Variants in ZNF385D observed in about 807,000 individuals in gnomAD.
ZNF385D encodes the protein zinc finger protein 385D.
In ZNF385D, 15 loss-of-function variants were observed where a neutral mutation model predicts 35.8. The ratio of observed to expected loss-of-function variants is 0.42; its 90% CI spans 0.28 to 0.64. The LOEUF is 0.64. Ranked by LOEUF, ZNF385D falls within the 30% of genes least tolerant of loss-of-function variation. ZNF385D has a pLI of 0.23. For missense variants in ZNF385D, 474 were observed against 494.6 expected (o/e 0.96, Z 0.39); for synonymous variants, 212 against 186.8 (o/e 1.13, Z -1.10).
At chr3:22,237,711 T>G (rs577133062) in intron 2 of ZNF385D, among the ~76,000 whole-genome samples, 1 of 152,264 alleles carries the variant, frequency 6.6e-6, no homozygotes, top group African/African-American at 2.4e-5. Flanking sequence ...TGGCACGATC[T>G]CAGCTCACTA....
chr3:21,674,084 C>T (rs2066653076), intron 1 of ZNF385D, among the ~76,000 whole-genome samples: 1 of 152,138 alleles, frequency 6.6e-6, no homozygotes, highest in Non-Finnish European at 1.5e-5. Context: ...CCTGCACGAA[C>T]TTCTCTGTGC....
At position 21,528,786 on chromosome 3, in the gene ZNF385D, G is replaced by A. The variant is rs1437022062; in HGVS notation, c.277-17763C>T. Among the ~76,000 whole-genome samples, 4 of 152,080 alleles carry A rather than the reference G, an allele frequency of 2.6e-5. No individual in the cohort carries two copies. In the South Asian group the frequency reaches 8.3e-4, roughly 32 times the overall value. ...CTACTTACTATTATGCTCTAATCCTGGAGAAACAGAGTACTCAGCCAAAGT... is the reference window on the plus strand; with the variant it reads ...CTACTTACTATTATGCTCTAATCCTAGAGAAACAGAGTACTCAGCCAAAGT... On this transcript the variant is annotated intron_variant, in intron 3 of 7. Coordinates refer to ENST00000281523, the MANE Select transcript of ZNF385D (RefSeq NM_024697.3).
upstream of ZNF385D, among the ~76,000 whole-genome samples, chr3:21,755,206 T>C (rs1195895690): frequency 6.6e-6 from 1 of 152,214 alleles, no homozygotes; most frequent in Non-Finnish European, 1.5e-5. Flanking sequence ...TTTATCTATA[T>C]TGTAGCAATA....
chr3:21,811,124 A>T (rs766075994), intron 3 of ZNF385D, among the ~76,000 whole-genome samples: 1 of 152,114 alleles, frequency 6.6e-6, no homozygotes, highest in Non-Finnish European at 1.5e-5. Context: ...AATAAAAATA[A>T]TCTCAAATCT....
At chr3:21,936,587 AG>A (rs1305383816) in intron 3 of ZNF385D, among the ~76,000 whole-genome samples, 1 of 152,046 alleles carries the variant, frequency 6.6e-6, no homozygotes, top group Non-Finnish European at 1.5e-5. Context: ...CATTTATTAT[AG>A]GTTTGATTGT....
chr3:22,273,424 T>G (rs888984503), intron 2 of ZNF385D, among the ~76,000 whole-genome samples: 26 of 151,968 alleles, frequency 1.7e-4, no homozygotes, highest in African/African-American at 5.6e-4. Context: ...ACTGGAACTC[T>G]TAACAATGTC....
chr3:22,143,966 T>A (rs1576395446), intron 3 of ZNF385D, among the ~76,000 whole-genome samples: 3 of 152,198 alleles, frequency 2.0e-5, no homozygotes, highest in Admixed American at 1.3e-4. Flanking sequence ...TAATAGGGGT[T>A]CAAAGTAAGT....
intron 1 of ZNF385D, among the ~76,000 whole-genome samples, chr3:21,670,839 T>G (rs2125282151): frequency 6.6e-6 from 1 of 151,824 alleles, no homozygotes; most frequent in South Asian, 2.1e-4. Flanking sequence ...ACTAGCCCTT[T>G]CAACCAAACA....
At chr3:22,244,036 A>C (rs921055459) in intron 2 of ZNF385D, among the ~76,000 whole-genome samples, 2 of 150,898 alleles carry the variant, frequency 1.3e-5, no homozygotes, top group African/African-American at 2.5e-5. Context: ...TTGGCTTAGC[A>C]CTTCTCTCAC....
intron 3 of ZNF385D, among the ~76,000 whole-genome samples, chr3:22,120,904 C>T (rs1482957775): frequency 6.6e-6 from 1 of 152,046 alleles, no homozygotes; most frequent in Non-Finnish European, 1.5e-5. Context: ...CAGAAGAGAA[C>T]TTTGAGACCA....
intron 3 of ZNF385D, among the ~76,000 whole-genome samples, chr3:21,935,726 G>A (rs1359361125): frequency 1.0e-5 from 1 of 99,366 alleles, no homozygotes; most frequent in Non-Finnish European, 2.0e-5. Context: ...ATCCCAAGGA[G>A]AGCAAAGGCA....
At chr3:21,928,813 A>G (rs1021469532) in intron 3 of ZNF385D, among the ~76,000 whole-genome samples, 10 of 152,340 alleles carry the variant, frequency 6.6e-5, no homozygotes, top group Admixed American at 5.2e-4. Flanking sequence ...GAATAAATCT[A>G]TAACAACTAA....
intron 3 of ZNF385D, among the ~76,000 whole-genome samples, chr3:21,994,387 T>C (rs1242952892): frequency 1.3e-5 from 2 of 152,208 alleles, no homozygotes; most frequent in East Asian, 3.8e-4. Context: ...AATTTATGGG[T>C]TTTAAAAATC....
rs56827844 is a variant in ZNF385D at position 21,428,933 on chromosome 3, C to CTTTTTTTTTTTTTTTTTTT, written c.674-3264_674-3263insAAAAAAAAAAAAAAAAAAA. Among the ~76,000 whole-genome samples, 76 of 111,980 alleles carry CTTTTTTTTTTTTTTTTTTT rather than the reference C, an allele frequency of 6.8e-4. 2 individuals are homozygous for CTTTTTTTTTTTTTTTTTTT. The highest frequency in any genetic ancestry group is 2.1e-3 in the African/African-American group (61 of 29,612). The allele number at this position is 111,980 out of a possible 152,430, so 73.5% of individuals were successfully genotyped here. On this transcript the variant is annotated intron_variant, in intron 5 of 7. Transcript: ENST00000281523. The stretch of plus-strand genomic sequence containing the variant: ...GCACGGCATAAGGCTCCAAGAAATC[C>CTTTTTTTTTTTTTTTTTTT]TTTTTTTTTTTTGCTTTCTGCTTAA...
intron 3 of ZNF385D, among the ~76,000 whole-genome samples, chr3:22,157,397 C>A (rs1315966476): frequency 6.6e-6 from 1 of 151,660 alleles, no homozygotes; most frequent in African/African-American, 2.4e-5. Flanking sequence ...TTGTCTTCCT[C>A]CTATAAGACA....
intron 3 of ZNF385D, among the ~76,000 whole-genome samples, chr3:21,541,171 T>C (rs186650979): frequency 8.2e-4 from 125 of 152,310 alleles, no homozygotes; most frequent in African/African-American, 3.0e-3. Flanking sequence ...CCAAATGCAG[T>C]GTGTAATTTA....
At chr3:21,746,198 T>G (rs537833848) in intron 1 of ZNF385D, among the ~76,000 whole-genome samples, 1 of 152,346 alleles carries the variant, frequency 6.6e-6, no homozygotes, top group Non-Finnish European at 1.5e-5. Context: ...AACAACTATG[T>G]CATCCACGAA....
intron 3 of ZNF385D, among the ~76,000 whole-genome samples, chr3:21,857,160 C>T (rs901224335): frequency 6.6e-6 from 1 of 152,208 alleles, no homozygotes; most frequent in East Asian, 1.9e-4. Flanking sequence ...TAATGTCACT[C>T]TACAGCCCTA....
At chr3:22,073,320 A>G (rs1830241) in intron 3 of ZNF385D, among the ~76,000 whole-genome samples, 97,935 of 149,198 alleles carry the variant, frequency 0.66, 32,933 homozygotes, top group African/African-American at 0.81. Context: ...ATGAAAAAGA[A>G]ACAGACAGTG....
Sources: gnomAD v4.1 joint callset for allele counts (sites outside exome capture counted in the v4.1 genomes callset) on GRCh38, gnomAD v4.1.1 for gene constraint, MANE v1.5 for transcripts, NCBI Gene and HGNC (gene_info 2026-07-23, HGNC 2026-07-21) for gene names.